The following ZCCHC14 variants were observed in gnomAD, a reference collection of about 807,000 sequenced individuals.
ZCCHC14 encodes zinc finger CCHC-type containing 14, also known as zinc finger CCHC domain-containing protein 14.
A neutral mutation model predicts 85.0 loss-of-function variants in ZCCHC14; 16 were observed. The ratio of observed to expected loss-of-function variants is 0.19; its 90% CI spans 0.13 to 0.29. ZCCHC14 has a LOEUF of 0.29. Among genes scored for constraint, ZCCHC14 ranks in the 10% least tolerant of loss-of-function variants. ZCCHC14 has a pLI of 1.00. For missense variants in ZCCHC14, 1,303 were observed against 1,443.5 expected, an observed-to-expected ratio of 0.90 and a Z score of 1.58; for synonymous variants, 775 against 630.7, an observed-to-expected ratio of 1.23 and a Z score of -3.43.
At chr16:87,425,485 A>G (rs1342059059) in intron 3 of ZCCHC14, among the ~76,000 whole-genome samples, 1 of 152,034 alleles carries the variant, frequency 6.6e-6, no homozygotes, top group Non-Finnish European at 1.5e-5. Flanking sequence ...CTGAGGTGGG[A>G]GAACTGCTTG....
At chr16:87,473,395 G>A (rs1911864361) in intron 1 of ZCCHC14, 1 of 152,134 alleles carries the variant, frequency 6.6e-6, no homozygotes, top group Non-Finnish European at 1.5e-5. Context: ...CAGAGACAGG[G>A]TTCCACCATG....
At chr16:87,479,953 TTAAA>T (rs1270247933) in intron 1 of ZCCHC14, among the ~76,000 whole-genome samples, 1 of 151,890 alleles carries the variant, frequency 6.6e-6, no homozygotes, top group Non-Finnish European at 1.5e-5. Context: ...CTTTTTTTTT[TTAAA>T]TAGAGATGGG....
At chr16:87,435,027 G>A (rs1338742853) in intron 2 of ZCCHC14, among the ~76,000 whole-genome samples, 2 of 147,020 alleles carry the variant, frequency 1.4e-5, no homozygotes, top group Non-Finnish European at 3.0e-5. Context: ...ACGTTTTTTG[G>A]GAAAAAAAAA....
chr16:87,438,106 G>A (rs963060786), intron 2 of ZCCHC14, among the ~76,000 whole-genome samples: 6 of 152,234 alleles, frequency 3.9e-5, no homozygotes, highest in African/African-American at 9.6e-5. Context: ...CACCCACAAA[G>A]CGGGTACAGT....
intron 3 of ZCCHC14, among the ~76,000 whole-genome samples, chr16:87,425,449 G>A (rs972786048): frequency 3.3e-5 from 5 of 151,996 alleles, no homozygotes; most frequent in African/African-American, 9.7e-5. Flanking sequence ...GGTGGCAGGC[G>A]CCTGTAATCC....
chr16:87,414,897 A>G (rs1169658020), intron 9 of ZCCHC14, among the ~76,000 whole-genome samples: 4 of 152,180 alleles, frequency 2.6e-5, no homozygotes, highest in African/African-American at 7.2e-5. Flanking sequence ...CTTGGCCAAT[A>G]TGGTAAAACC....
In ZCCHC14 at chr16:87,417,655, C is replaced by T; in HGVS notation, c.1188G>A (p.Leu396=). 6.2e-7 allele frequency: 1 copy of T among 1,613,370 alleles called. No homozygotes were observed. Among genetic ancestry groups the T allele is most frequent in the African/African-American group, 1.3e-5 (1 of 75,042 alleles). ...GQHPAGSAAP[L]PHCSHAGSAG... ...CGCTGCCCGCATGGGAGCAGTGAGGCAAGGGGGCGGCGGAGCCGGCCGGGT... is the reference window on the plus strand; with the variant it reads ...CGCTGCCCGCATGGGAGCAGTGAGGTAAGGGGGCGGCGGAGCCGGCCGGGT... The change falls in exon 8 of 13, where the codon TTG becomes TTA. Residue 396 remains leucine (L), a synonymous_variant. Transcript: ENST00000671377.
At chr16:87,428,644 A>G (rs548217113) in intron 3 of ZCCHC14, among the ~76,000 whole-genome samples, 2 of 152,190 alleles carry the variant, frequency 1.3e-5, no homozygotes, top group Non-Finnish European at 2.9e-5. Flanking sequence ...GGCACCTGTG[A>G]GCCATGCCCC....
At chr16:87,474,875 C>G (rs180682032) in intron 1 of ZCCHC14, among the ~76,000 whole-genome samples, 123 of 152,332 alleles carry the variant, frequency 8.1e-4, no homozygotes, top group African/African-American at 2.7e-3. Flanking sequence ...CAAGGTCACA[C>G]TACAGCAACT....
Position 87,433,188 on chromosome 16 carries a change from C to T in ZCCHC14, c.708G>A (p.Lys236=). Residue 236 remains lysine, a synonymous_variant, in exon 3 of 13, where the codon AAG becomes AAA. Transcript: ENST00000671377. ...LGKHSKVSVE[K]IDLKGLSHTK... ...TGTGTGATAATCCCTTCAGGTCTAT[C>T]TTTTCAACACTCACTGTAAAAGTAA... 3 of 1,614,082 alleles carry T rather than the reference C, an allele frequency of 1.9e-6. No individual in the cohort carries two copies. The highest frequency in any genetic ancestry group is 1.7e-6 in the Non-Finnish European group (2 of 1,179,984).
intron 7 of ZCCHC14, chr16:87,418,011 C>T (rs73238680): frequency 0.096 from 44,954 of 467,968 alleles, 4,923 homozygotes; most frequent in African/African-American, 0.39. Flanking sequence ...TGCCTCTGCC[C>T]GTGCTTCGGA....
rs570033036 is a variant in ZCCHC14, at chr16:87,481,087, A to G, written c.570+10582T>C. Among the ~76,000 whole-genome samples the G allele has an allele frequency of 3.3e-5, 5 of 152,300 alleles. No homozygotes were observed. In the South Asian group the frequency reaches 1.0e-3, roughly 32 times the overall value. ...TGATGTCAGAGGCTAAGAGGGGGCCAGTGACACCAGAGGGGGTTATGGAGG... is the reference window on the plus strand; with the variant it reads ...TGATGTCAGAGGCTAAGAGGGGGCCGGTGACACCAGAGGGGGTTATGGAGG... On this transcript the variant is annotated intron_variant, in intron 1 of 12. Coordinates refer to ENST00000671377, the MANE Select transcript of ZCCHC14 (RefSeq NM_015144.3).
intron 3 of ZCCHC14, among the ~76,000 whole-genome samples, chr16:87,432,451 G>T (rs1354915330): frequency 6.6e-6 from 1 of 152,148 alleles, no homozygotes; most frequent in Admixed American, 6.5e-5. Flanking sequence ...AACGCGTGAG[G>T]ACTGGTGCCC....
intron 2 of ZCCHC14, among the ~76,000 whole-genome samples, chr16:87,453,263 C>T (rs1567530261): frequency 6.6e-6 from 1 of 152,226 alleles, no homozygotes; most frequent in Non-Finnish European, 1.5e-5. Flanking sequence ...GCAACAGCTC[C>T]TACAGGACCA....
intron 1 of ZCCHC14, among the ~76,000 whole-genome samples, chr16:87,463,692 G>A (rs1035162223): frequency 3.9e-5 from 6 of 152,020 alleles, no homozygotes; most frequent in Admixed American, 2.0e-4. Context: ...GTGTGGTGGC[G>A]GGCACCTGTA....
chr16:87,486,434 G>C (rs1035686227), intron 1 of ZCCHC14, among the ~76,000 whole-genome samples: 2 of 152,338 alleles, frequency 1.3e-5, no homozygotes, highest in Middle Eastern at 6.8e-3. Context: ...TACAGCCGAG[G>C]AGCAACAGGC....
chr16:87,437,764 C>T (rs181404676), intron 2 of ZCCHC14, among the ~76,000 whole-genome samples: 63 of 152,280 alleles, frequency 4.1e-4, no homozygotes, highest in Non-Finnish European at 7.2e-4. Context: ...ACACAGCCTT[C>T]GATAAAATGT....
At position 87,412,627 on chromosome 16, in the gene ZCCHC14, G is replaced by A. The variant is rs779950002; in HGVS notation, c.2094C>T (p.Asp698=). ...VDKSFGSAMM[D]VLPASAPHQP... ...GGTGGGGTGCGGACGCGGGCAGCACGTCCATCATGGCGCTGCCAAAGCTCT... is the reference window on the plus strand; with the variant it reads ...GGTGGGGTGCGGACGCGGGCAGCACATCCATCATGGCGCTGCCAAAGCTCT... The change falls in exon 12 of 13, where the codon GAC becomes GAT. Residue 698 remains aspartate (D), a synonymous_variant. Coordinates refer to ENST00000671377, the MANE Select transcript of ZCCHC14 (RefSeq NM_015144.3). 27 of 1,614,082 alleles carry A rather than the reference G, an allele frequency of 1.7e-5. No individual in the cohort carries two copies. Among genetic ancestry groups the A allele is most frequent in the Middle Eastern group, 1.6e-4 (1 of 6,084 alleles).
At chr16:87,487,399 G>A (rs1005393911) in intron 1 of ZCCHC14, among the ~76,000 whole-genome samples, 4 of 152,176 alleles carry the variant, frequency 2.6e-5, no homozygotes, top group Admixed American at 6.5e-5. Flanking sequence ...CAGCTCAGGC[G>A]GGGCCCCGCC....
Sources: allele counts gnomAD v4.1 joint callset (sites outside exome capture counted in the v4.1 genomes callset), GRCh38; gene constraint gnomAD v4.1.1; transcripts MANE v1.5; gene names NCBI Gene and HGNC (gene_info 2026-07-23, HGNC 2026-07-21).